The following KRTAP2-1 variants were observed in gnomAD, a reference collection of about 807,000 sequenced individuals.
KRTAP2-1 encodes the protein keratin associated protein 2-1.
Under a neutral mutation model 11.6 loss-of-function variants are expected in KRTAP2-1, and 5 were observed. The observed-to-expected ratio is 0.43, with a 90% confidence interval of 0.22 to 0.90. The LOEUF (loss-of-function observed/expected upper bound fraction) is 0.90, where lower values mean the gene tolerates loss of function less well. KRTAP2-1 is among the 40% of genes least tolerant of loss of function. The probability of loss-of-function intolerance (pLI) is 0.26; values close to 1 mark genes in which losing one functional copy is unlikely to be tolerated. For missense variants in KRTAP2-1, 40 were observed against 191.3 expected (o/e 0.21, Z 4.67); for synonymous variants, 19 against 81.9 (o/e 0.23, Z 4.15).
chr17:41,046,703 T>C lies in KRTAP2-1; in HGVS notation c.*178A>G. ...TTGGTTGATGTGGGGTTTTGTGGGC[T>C]CAGGGCAGGAGGTTTGTTAAAGTAG... On this transcript the variant is annotated 3_prime_UTR_variant, in exon 1 of 1. Coordinates refer to ENST00000391419, the MANE Select transcript of KRTAP2-1 (RefSeq NM_001123387.1). 1 of 1,474,692 alleles carries C rather than the reference T, an allele frequency of 6.8e-7. No individual in the cohort carries two copies. The highest frequency in any genetic ancestry group is 2.1e-5 in the Admixed American group (1 of 47,928). 91.4% of individuals were successfully genotyped at this position (1,474,692 alleles called of 1,614,324 possible).
rs747737686 is a variant in KRTAP2-1, at chr17:41,046,812, G to C, written c.*69C>G. 5 of 1,545,324 alleles carry C rather than the reference G, an allele frequency of 3.2e-6. No homozygotes were observed. The highest frequency in any genetic ancestry group is 1.2e-5 in the South Asian group (1 of 84,030). On this transcript the variant is annotated 3_prime_UTR_variant, in exon 1 of 1. Transcript: ENST00000391419. ...CTGCTCAGCAGGAGGAGGTCCTGCA[G>C]GTGGTGCTGCAAGGGGTCGGCTGGC...
In KRTAP2-1 at chr17:41,047,249, C is replaced by A; in HGVS notation, c.19G>T (p.Gly7Cys). 1 of 1,440,206 alleles carries A rather than the reference C, an allele frequency of 6.9e-7. No homozygotes were observed. Among genetic ancestry groups the A allele is most frequent in the Non-Finnish European group, 9.1e-7 (1 of 1,101,322 alleles). The allele number at this position is 1,440,206 out of a possible 1,614,324, so 89.2% of individuals were successfully genotyped here. MTGSCCGSTFSSLSYGG... is the reference protein window; with the variant it reads MTGSCCCSTFSSLSYGG... ...TAGCTCAGGGAGGAGAAGGTGGAGC[C>A]GCAGCAGGAGCCGGTCATGGTGGTG... The change falls in exon 1 of 1, where the codon GGC becomes TGC. Residue 7 changes from glycine (G) to cysteine (C), a missense_variant. Gly to Cys is a radical substitution (Grantham distance 159). Transcript: ENST00000391419.
rs1385076085 is a variant in KRTAP2-1, at chr17:41,046,730, G to C, written c.*151C>G. The C allele has an allele frequency of 1.3e-6, 2 of 1,504,184 alleles. No homozygotes were observed. The highest frequency in any genetic ancestry group is 1.4e-5 in the African/African-American group (1 of 72,612). The allele number at this position is 1,504,184 out of a possible 1,614,324, so 93.2% of individuals were successfully genotyped here. A position where few individuals can be genotyped will look rare whatever the true frequency, so the allele number is the denominator to read the frequency against. ...AGGGCAGGAGGTTTGTTAAAGTAGA[G>C]AAATGGGAGTGTGACTTTTTCAGAA... On this transcript the variant is annotated 3_prime_UTR_variant, in exon 1 of 1. Transcript: ENST00000391419.
Position 41,046,598 on chromosome 17 carries a change from A to C in KRTAP2-1, c.*283T>G, listed in dbSNP as rs2012842519. The C allele has an allele frequency of 2.8e-6, 2 of 711,626 alleles. No individual in the cohort carries two copies. Among genetic ancestry groups the C allele is most frequent in the Non-Finnish European group, 4.2e-6 (2 of 472,944 alleles). 44.1% of individuals were successfully genotyped at this position (711,626 alleles called of 1,614,324 possible). Reference sequence around the variant, plus strand: ...GAAAATAAACATGCCACGAAATCTTAAGAAGAAGGAAATTGCTTCTTTTAC... The same window carrying C: ...GAAAATAAACATGCCACGAAATCTTCAGAAGAAGGAAATTGCTTCTTTTAC... On this transcript the variant is annotated 3_prime_UTR_variant, in exon 1 of 1. Transcript: ENST00000391419.
Position 41,046,622 on chromosome 17 carries a change from A to C in KRTAP2-1, c.*259T>G. The C allele has an allele frequency of 1.1e-6, 1 of 893,674 alleles. No individual in the cohort carries two copies. The highest frequency in any genetic ancestry group is 1.7e-5 in the African/African-American group (1 of 59,316). 55.4% of individuals were successfully genotyped at this position (893,674 alleles called of 1,614,324 possible). On this transcript the variant is annotated 3_prime_UTR_variant, in exon 1 of 1. Coordinates refer to ENST00000391419, the MANE Select transcript of KRTAP2-1 (RefSeq NM_001123387.1). The stretch of plus-strand genomic sequence containing the variant: ...TAAGAAGAAGGAAATTGCTTCTTTT[A>C]CAGACTTCAGAATGGCCCAGGTCTT...
At position 41,047,264 on chromosome 17, in the gene KRTAP2-1, T is replaced by A. The variant is rs1259383596; in HGVS notation, c.4A>T (p.Thr2Ser). 1.4e-6 allele frequency: 2 copies of A among 1,420,106 alleles called. No individual in the cohort carries two copies. Among genetic ancestry groups the A allele is most frequent in the African/African-American group, 3.2e-5 (2 of 62,604 alleles). The allele number at this position is 1,420,106 out of a possible 1,614,324, so 88.0% of individuals were successfully genotyped here. Residue 2 changes from threonine to serine, a missense_variant, in exon 1 of 1, where the codon ACC (threonine) becomes TCC (serine). By Grantham distance (58) the Thr-to-Ser change is moderately conservative. Coordinates refer to ENST00000391419, the MANE Select transcript of KRTAP2-1 (RefSeq NM_001123387.1). M[T>S]GSCCGSTFSS... is the part of the protein sequence containing the mutation. ...AAGGTGGAGCCGCAGCAGGAGCCGG[T>A]CATGGTGGTGTCTGAGGCTGGTGTG...
chr17:41,046,792 C>T lies in KRTAP2-1; in HGVS notation c.*89G>A, dbSNP rs908606925. 10 of 1,541,922 alleles carry T rather than the reference C, an allele frequency of 6.5e-6. No homozygotes were observed. The African/African-American group carries it at 1.4e-4, about 21-fold the overall frequency. Reference sequence around the variant, plus strand: ...CGTTCCGGGCAGTCAGTGCACTGCTCAGCAGGAGGAGGTCCTGCAGGTGGT... The same window carrying T: ...CGTTCCGGGCAGTCAGTGCACTGCTTAGCAGGAGGAGGTCCTGCAGGTGGT... On this transcript the variant is annotated 3_prime_UTR_variant, in exon 1 of 1. Transcript: ENST00000391419.
In KRTAP2-1 at chr17:41,046,754, A is replaced by T; in HGVS notation, c.*127T>A. On this transcript the variant is annotated 3_prime_UTR_variant, in exon 1 of 1. Coordinates refer to ENST00000391419, the MANE Select transcript of KRTAP2-1 (RefSeq NM_001123387.1). ...AGAAATGGGAGTGTGACTTTTTCAGAAGGTGAGTTACGCGTTCCGGGCAGT... is the reference window on the plus strand; with the variant it reads ...AGAAATGGGAGTGTGACTTTTTCAGTAGGTGAGTTACGCGTTCCGGGCAGT... 1 of 1,520,798 alleles carries T rather than the reference A, an allele frequency of 6.6e-7. No individual in the cohort carries two copies. The highest frequency in any genetic ancestry group is 8.8e-7 in the Non-Finnish European group (1 of 1,135,662). 94.2% of individuals were successfully genotyped at this position (1,520,798 alleles called of 1,614,324 possible).
In KRTAP2-1 at chr17:41,047,305, AG is replaced by A; in HGVS notation, c.-39del. The A allele has an allele frequency of 7.0e-7, 1 of 1,425,472 alleles. No homozygotes were observed. Among genetic ancestry groups the A allele is most frequent in the Non-Finnish European group, 9.2e-7 (1 of 1,089,052 alleles). 88.3% of individuals were successfully genotyped at this position (1,425,472 alleles called of 1,614,324 possible). A position where few individuals can be genotyped will look rare whatever the true frequency, so the allele number is the denominator to read the frequency against. On this transcript the variant is annotated 5_prime_UTR_variant, in exon 1 of 1. Coordinates refer to ENST00000391419, the MANE Select transcript of KRTAP2-1 (RefSeq NM_001123387.1). ...GGCTGGTGTGGGTTGGGCTGTGGAG[AG>A]GAGCTGGATGTTCTCAGGTGTGAAT...
In KRTAP2-1 at chr17:41,046,751, CAGA is replaced by C. The variant is rs2012846138; in HGVS notation, c.*127_*129del. Reference sequence around the variant, plus strand: ...TAGAGAAATGGGAGTGTGACTTTTTCAGAAGGTGAGTTACGCGTTCCGGGCAGT... The same window carrying C: ...TAGAGAAATGGGAGTGTGACTTTTTCAGGTGAGTTACGCGTTCCGGGCAGT... On this transcript the variant is annotated 3_prime_UTR_variant, in exon 1 of 1. Coordinates refer to ENST00000391419, the MANE Select transcript of KRTAP2-1 (RefSeq NM_001123387.1). 1 of 1,517,584 alleles carries C rather than the reference CAGA, an allele frequency of 6.6e-7. No individual in the cohort carries two copies. Among genetic ancestry groups the C allele is most frequent in the African/African-American group, 1.4e-5 (1 of 72,662 alleles). The allele number at this position is 1,517,584 out of a possible 1,614,324, so 94.0% of individuals were successfully genotyped here.
Position 41,046,570 on chromosome 17 carries a change from T to A in KRTAP2-1, c.*311A>T. On this transcript the variant is annotated 3_prime_UTR_variant, in exon 1 of 1. Coordinates refer to ENST00000391419, the MANE Select transcript of KRTAP2-1 (RefSeq NM_001123387.1). ...TGCAAGGCCAAAGAACAGATATTTA[T>A]TAGAAAATAAACATGCCACGAAATC... 1 of 585,874 alleles carries A rather than the reference T, an allele frequency of 1.7e-6. No individual in the cohort carries two copies. Among genetic ancestry groups the A allele is most frequent in the Non-Finnish European group, 2.8e-6 (1 of 362,028 alleles). The allele number at this position is 585,874 out of a possible 1,614,324, so 36.3% of individuals were successfully genotyped here.
chr17:41,046,583 A>G lies in KRTAP2-1; in HGVS notation c.*298T>C, dbSNP rs142309544. On this transcript the variant is annotated 3_prime_UTR_variant, in exon 1 of 1. Transcript: ENST00000391419. Reference sequence around the variant, plus strand: ...AACAGATATTTATTAGAAAATAAACATGCCACGAAATCTTAAGAAGAAGGA... The same window carrying G: ...AACAGATATTTATTAGAAAATAAACGTGCCACGAAATCTTAAGAAGAAGGA... 3.1e-3 allele frequency: 1,961 copies of G among 637,776 alleles called. 17 individuals are homozygous for G. Among genetic ancestry groups the G allele is most frequent in the African/African-American group, 0.028 (1,542 of 54,518 alleles). 39.5% of individuals were successfully genotyped at this position (637,776 alleles called of 1,614,324 possible). A position where few individuals can be genotyped will look rare whatever the true frequency, so the allele number is the denominator to read the frequency against.
At position 41,046,612 on chromosome 17, in the gene KRTAP2-1, T is replaced by G. The variant is rs2012842805; in HGVS notation, c.*269A>C. The G allele has an allele frequency of 1.3e-6, 1 of 781,068 alleles. No homozygotes were observed. The highest frequency in any genetic ancestry group is 1.9e-6 in the Non-Finnish European group (1 of 535,260). 48.4% of individuals were successfully genotyped at this position (781,068 alleles called of 1,614,324 possible). On this transcript the variant is annotated 3_prime_UTR_variant, in exon 1 of 1. Coordinates refer to ENST00000391419, the MANE Select transcript of KRTAP2-1 (RefSeq NM_001123387.1). ...CACGAAATCTTAAGAAGAAGGAAAT[T>G]GCTTCTTTTACAGACTTCAGAATGG...
At position 41,046,791 on chromosome 17, in the gene KRTAP2-1, T is replaced by A; in HGVS notation, c.*90A>T. 1 of 1,541,800 alleles carries A rather than the reference T, an allele frequency of 6.5e-7. No homozygotes were observed. Among genetic ancestry groups the A allele is most frequent in the Non-Finnish European group, 8.7e-7 (1 of 1,146,732 alleles). ...GCGTTCCGGGCAGTCAGTGCACTGC[T>A]CAGCAGGAGGAGGTCCTGCAGGTGG... On this transcript the variant is annotated 3_prime_UTR_variant, in exon 1 of 1. Transcript: ENST00000391419.
chr17:41,046,908 G>A lies in KRTAP2-1; in HGVS notation c.360C>T (p.Ser120=), dbSNP rs1399305175. The change falls in exon 1 of 1, where the codon AGC becomes AGT. Residue 120 remains serine, a synonymous_variant. Coordinates refer to ENST00000391419, the MANE Select transcript of KRTAP2-1 (RefSeq NM_001123387.1). ...AGCAGGAGGAGGTCCTGCAGGTGGT[G>A]CTGCAAGGGGTCGGCTGGCCGCAGG... The part of the protein sequence containing the change: ...RPPCGQPTPC[S]TTCRTSSC 1 of 1,556,106 alleles carries A rather than the reference G, an allele frequency of 6.4e-7. No homozygotes were observed. Among genetic ancestry groups the A allele is most frequent in the Non-Finnish European group, 8.7e-7 (1 of 1,153,246 alleles).
In KRTAP2-1 at chr17:41,046,692, G is replaced by T. The variant is rs183756836; in HGVS notation, c.*189C>A. On this transcript the variant is annotated 3_prime_UTR_variant, in exon 1 of 1. Transcript: ENST00000391419. ...CGGTTCCCTGCTTGGTTGATGTGGGGTTTTGTGGGCTCAGGGCAGGAGGTT... is the reference window on the plus strand; with the variant it reads ...CGGTTCCCTGCTTGGTTGATGTGGGTTTTTGTGGGCTCAGGGCAGGAGGTT... 6 of 1,457,466 alleles carry T rather than the reference G, an allele frequency of 4.1e-6. No homozygotes were observed. The African/African-American group carries it at 8.4e-5, about 20-fold the overall frequency. The allele number at this position is 1,457,466 out of a possible 1,614,324, so 90.3% of individuals were successfully genotyped here.
Position 41,046,810 on chromosome 17 carries a change from C to G in KRTAP2-1, c.*71G>C. The G allele has an allele frequency of 3.2e-6, 5 of 1,544,876 alleles. No individual in the cohort carries two copies. The highest frequency in any genetic ancestry group is 4.4e-6 in the Non-Finnish European group (5 of 1,147,458). On this transcript the variant is annotated 3_prime_UTR_variant, in exon 1 of 1. Coordinates refer to ENST00000391419, the MANE Select transcript of KRTAP2-1 (RefSeq NM_001123387.1). ...CACTGCTCAGCAGGAGGAGGTCCTGCAGGTGGTGCTGCAAGGGGTCGGCTG... is the reference window on the plus strand; with the variant it reads ...CACTGCTCAGCAGGAGGAGGTCCTGGAGGTGGTGCTGCAAGGGGTCGGCTG...
In KRTAP2-1 at chr17:41,047,304, G is replaced by A. The variant is rs1045212945; in HGVS notation, c.-37C>T. The A allele has an allele frequency of 1.5e-5, 21 of 1,422,252 alleles. No individual in the cohort carries two copies. Among genetic ancestry groups the A allele is most frequent in the Non-Finnish European group, 1.8e-5 (20 of 1,086,726 alleles). 88.1% of individuals were successfully genotyped at this position (1,422,252 alleles called of 1,614,324 possible). A position where few individuals can be genotyped will look rare whatever the true frequency, so the allele number is the denominator to read the frequency against. Reference sequence around the variant, plus strand: ...AGGCTGGTGTGGGTTGGGCTGTGGAGAGGAGCTGGATGTTCTCAGGTGTGA... The same window carrying A: ...AGGCTGGTGTGGGTTGGGCTGTGGAAAGGAGCTGGATGTTCTCAGGTGTGA... On this transcript the variant is annotated 5_prime_UTR_variant, in exon 1 of 1. Coordinates refer to ENST00000391419, the MANE Select transcript of KRTAP2-1 (RefSeq NM_001123387.1).
Position 41,047,249 on chromosome 17 carries a change from C to G in KRTAP2-1, c.19G>C (p.Gly7Arg), listed in dbSNP as rs2012865331. MTGSCCGSTFSSLSYGG... is the reference protein window; with the variant it reads MTGSCCRSTFSSLSYGG... ...TAGCTCAGGGAGGAGAAGGTGGAGCCGCAGCAGGAGCCGGTCATGGTGGTG... is the reference window on the plus strand; with the variant it reads ...TAGCTCAGGGAGGAGAAGGTGGAGCGGCAGCAGGAGCCGGTCATGGTGGTG... The change falls in exon 1 of 1, where the codon GGC becomes CGC. Residue 7 changes from glycine (G) to arginine (R), a missense_variant. Gly to Arg is a moderately radical substitution (Grantham distance 125). Transcript: ENST00000391419. The G allele has an allele frequency of 4.2e-6, 6 of 1,440,206 alleles. No individual in the cohort carries two copies. The East Asian group carries it at 1.5e-4, about 36-fold the overall frequency. The allele number at this position is 1,440,206 out of a possible 1,614,324, so 89.2% of individuals were successfully genotyped here. A position where few individuals can be genotyped will look rare whatever the true frequency, so the allele number is the denominator to read the frequency against.
Sources: gnomAD v4.1 joint callset for allele counts on GRCh38, gnomAD v4.1.1 for gene constraint, MANE v1.5 for transcripts, NCBI Gene and HGNC (gene_info 2026-07-23, HGNC 2026-07-21) for gene names.